Variants in ADAM32 observed in about 807,000 individuals in gnomAD.
ADAM32 encodes the protein ADAM metallopeptidase domain 32.
ADAM32 carries 89 observed loss-of-function variants against 114.9 expected under a neutral mutation model. That is an observed-to-expected ratio of 0.77 (90% CI 0.65 to 0.92). The LOEUF (loss-of-function observed/expected upper bound fraction) is 0.92. Among genes scored for constraint, ADAM32 ranks in the 40% least tolerant of loss-of-function variants. The probability of loss-of-function intolerance (pLI) is 0.00; values close to 1 mark genes in which losing one functional copy is unlikely to be tolerated. For synonymous variants in ADAM32, 285 were observed against 307.5 expected (o/e 0.93, Z 0.77); for missense variants, 870 against 932.8 (o/e 0.93, Z 0.88).
chr8:39,253,454 G>A (rs1179106545), intron 17 of ADAM32, among the ~76,000 whole-genome samples: 1 of 151,644 alleles, frequency 6.6e-6, no homozygotes, highest in African/African-American at 2.4e-5. Flanking sequence ...GAAATAAATA[G>A]CATCCAAATG....
chr8:39,118,533 C>A (rs971367570), intron 2 of ADAM32, among the ~76,000 whole-genome samples: 1 of 152,096 alleles, frequency 6.6e-6, no homozygotes, highest in Non-Finnish European at 1.5e-5. Context: ...CTACACCTAG[C>A]AATTCTCAGA....
At position 39,110,048 on chromosome 8, in the gene ADAM32, C is replaced by T. The variant is rs1342654600; in HGVS notation, c.58+2215C>T. Among the ~76,000 whole-genome samples, 4 of 152,046 alleles carry T rather than the reference C, an allele frequency of 2.6e-5. No homozygotes were observed. In the East Asian group the frequency reaches 5.8e-4, roughly 22 times the overall value. The stretch of plus-strand genomic sequence containing the variant: ...CATTTAAGGTTCTCCCATGCCTTTT[C>T]ATGGCTTGATAGCTTATTTACTTAC... On this transcript the variant is annotated intron_variant, in intron 1 of 24. Coordinates refer to ENST00000379907, the MANE Select transcript of ADAM32 (RefSeq NM_145004.7).
intron 24 of ADAM32, 130 bp downstream of exon 24, chr8:39,283,754 C>A: frequency 3.7e-6 from 2 of 533,584 alleles, no homozygotes; most frequent in Non-Finnish European, 6.1e-6. Context: ...CAATAAATAA[C>A]CTATCTTTCT....
intron 16 of ADAM32, among the ~76,000 whole-genome samples, chr8:39,238,698 A>G (rs1188676666): frequency 6.6e-6 from 1 of 152,180 alleles, no homozygotes; most frequent in Non-Finnish European, 1.5e-5. Context: ...AATATGGACA[A>G]AAAATCTCCA....
intron 2 of ADAM32, among the ~76,000 whole-genome samples, chr8:39,122,924 A>T (rs1801862933): frequency 6.6e-6 from 1 of 152,322 alleles, no homozygotes; most frequent in South Asian, 2.1e-4. Flanking sequence ...ATGGCAGCCT[A>T]AGCAGACTAA....
At chr8:39,194,744 C>A (rs1269612872) in intron 11 of ADAM32, among the ~76,000 whole-genome samples, 1 of 152,174 alleles carries the variant, frequency 6.6e-6, no homozygotes, top group Non-Finnish European at 1.5e-5. Context: ...CTGGCCCCAT[C>A]TCATGGGCAA....
chr8:39,151,582 G>A (rs1370965878), intron 6 of ADAM32, 34 bp downstream of exon 6: 1 of 1,377,784 alleles, frequency 7.3e-7, no homozygotes, highest in East Asian at 2.6e-5. Flanking sequence ...TACTTTTAAA[G>A]CAGTTATTAC....
chr8:39,149,930 T>G, intron 5 of ADAM32, 63 bp downstream of exon 5: 1 of 1,381,416 alleles, frequency 7.2e-7, no homozygotes. Context: ...GTGAATTTGT[T>G]CTCTTTGTAT....
intron 10 of ADAM32, among the ~76,000 whole-genome samples, chr8:39,184,204 C>T (rs578194278): frequency 3.9e-5 from 6 of 152,350 alleles, no homozygotes; most frequent in African/African-American, 1.4e-4. Flanking sequence ...ATTACTCCTA[C>T]AATTTCAAAC....
chr8:39,149,355 C>A (rs779271376), intron 4 of ADAM32, among the ~76,000 whole-genome samples: 1 of 152,218 alleles, frequency 6.6e-6, no homozygotes, highest in Middle Eastern at 3.4e-3. Context: ...TCTCTTAGTG[C>A]AAATTCAGCA....
At chr8:39,120,256 A>G (rs1482479924) in intron 2 of ADAM32, among the ~76,000 whole-genome samples, 1 of 152,216 alleles carries the variant, frequency 6.6e-6, no homozygotes. Flanking sequence ...TGGATTTGGA[A>G]CTGAGTGAAG....
intron 14 of ADAM32, among the ~76,000 whole-genome samples, chr8:39,227,570 C>A (rs1809464676): frequency 6.6e-6 from 1 of 152,128 alleles, no homozygotes; most frequent in Non-Finnish European, 1.5e-5. Context: ...TCCCCCACTT[C>A]CGTGACAACC....
intron 6 of ADAM32, among the ~76,000 whole-genome samples, chr8:39,156,102 T>A (rs1804133824): frequency 6.6e-6 from 1 of 152,164 alleles, no homozygotes; most frequent in Non-Finnish European, 1.5e-5. Flanking sequence ...TCTTAAATAA[T>A]TTGGGGAAAA....
At chr8:39,149,890 A>C (rs758604454) in intron 5 of ADAM32, 23 bp downstream of exon 5, 2 of 1,567,332 alleles carry the variant, frequency 1.3e-6, no homozygotes, top group Admixed American at 1.7e-5. Flanking sequence ...TGTTGATTAC[A>C]GAACACCTTA....
In ADAM32 at chr8:39,151,567, A is replaced by G; in HGVS notation, c.525+19A>G. 6.8e-7 allele frequency: 1 copy of G among 1,463,614 alleles called. No individual in the cohort carries two copies. The highest frequency in any genetic ancestry group is 9.1e-7 in the Non-Finnish European group (1 of 1,099,228). The allele number at this position is 1,463,614 out of a possible 1,614,324, so 90.7% of individuals were successfully genotyped here. On this transcript the variant is annotated intron_variant, in intron 6 of 24. Transcript: ENST00000379907. ...TGAAAAAGTGAGTTGTATATGTTTT[A>G]TTACTACTTTTAAAGCAGTTATTAC...
At chr8:39,220,551 T>G (rs2129448753) in intron 12 of ADAM32, among the ~76,000 whole-genome samples, 1 of 152,200 alleles carries the variant, frequency 6.6e-6, no homozygotes, top group Admixed American at 6.5e-5. Context: ...TAGGCATTTA[T>G]TCTTATAAAC....
At chr8:39,193,196 C>T (rs1224401622) in intron 11 of ADAM32, among the ~76,000 whole-genome samples, 11 of 152,026 alleles carry the variant, frequency 7.2e-5, no homozygotes, top group Non-Finnish European at 5.9e-5. Flanking sequence ...TTGTTCTTTC[C>T]TTTATATTCT....
At chr8:39,193,119 A>G (rs1302200016) in intron 11 of ADAM32, among the ~76,000 whole-genome samples, 1 of 152,132 alleles carries the variant, frequency 6.6e-6, no homozygotes, top group Non-Finnish European at 1.5e-5. Context: ...TTCTCCCCAT[A>G]TCTTTCAGGG....
intron 24 of ADAM32, 50 bp from the exon 25 acceptor site, chr8:39,284,743 G>A: frequency 6.2e-7 from 1 of 1,608,852 alleles, no homozygotes. Context: ...CAGTGGGAGG[G>A]AATTTGCTGT....
Sources: gnomAD v4.1 joint callset for allele counts (sites outside exome capture counted in the v4.1 genomes callset) on GRCh38, gnomAD v4.1.1 for gene constraint, MANE v1.5 for transcripts, NCBI Gene and HGNC (gene_info 2026-07-23, HGNC 2026-07-21) for gene names.